Variants in VTCN1 observed in about 807,000 individuals in gnomAD.
VTCN1 encodes V-set domain containing T cell activation inhibitor 1.
In VTCN1, 26 loss-of-function variants were observed where a neutral mutation model predicts 26.5. The observed-to-expected ratio is 0.98, with a 90% CI of 0.72 to 1.36. The LOEUF is 1.36. VTCN1 is among the 40% of genes most tolerant of loss of function. The pLI is 0.00. For missense variants in VTCN1, 298 were observed against 337.7 expected (o/e 0.88, Z 0.92); for synonymous variants, 116 against 130.7 (o/e 0.89, Z 0.77).
At chr1:117,205,666 A>T (rs1557880777) in intron 1 of VTCN1, among the ~76,000 whole-genome samples, 2 of 152,224 alleles carry the variant, frequency 1.3e-5, no homozygotes, top group Non-Finnish European at 2.9e-5. Flanking sequence ...GTTCTGCTTA[A>T]CTAGCAAGAG....
Position 117,156,867 on chromosome 1 carries a change from T to C in VTCN1, c.152A>G (p.Asp51Gly). 1 of 1,613,946 alleles carries C rather than the reference T, an allele frequency of 6.2e-7. No individual in the cohort carries two copies. Among genetic ancestry groups the C allele is most frequent in the Non-Finnish European group, 8.5e-7 (1 of 1,179,992 alleles). Residue 51 changes from aspartate to glycine, a missense_variant, in exon 3 of 6, where the codon GAT becomes GGT. Coordinates refer to ENST00000369458, the MANE Select transcript of VTCN1 (RefSeq NM_024626.4). ...TTCAAAAGTGCAGCTCAGGATTCCA[T>C]CCTCCCCAATGTTCCCAGCTGAGGC... is the stretch of plus-strand genomic sequence containing the variant. ...TVASAGNIGE[D>G]GILSCTFEPD...
intron 2 of VTCN1, 27 bp downstream of exon 2, chr1:117,170,080 A>C: frequency 6.2e-7 from 1 of 1,602,756 alleles, no homozygotes; most frequent in Non-Finnish European, 8.5e-7. Context: ...GGGTGAATAG[A>C]TTGTAGTAAT....
At chr1:117,208,389 T>C (rs537001824) in intron 1 of VTCN1, among the ~76,000 whole-genome samples, 1 of 152,232 alleles carries the variant, frequency 6.6e-6, no homozygotes, top group African/African-American at 2.4e-5. Flanking sequence ...CCCAAAAGCC[T>C]TGGGTGAGGG....
Position 117,210,843 on chromosome 1 carries a change from C to G in VTCN1, c.13G>C (p.Gly5Arg), listed in dbSNP as rs188362185. 2 of 1,614,086 alleles carry G rather than the reference C, an allele frequency of 1.2e-6. No individual in the cohort carries two copies. The highest frequency in any genetic ancestry group is 1.3e-5 in the African/African-American group (1 of 75,052). Reference sequence around the variant, plus strand: ...TACTACCTCCAGAAGAGGATCTGCCCCAGGGAAGCCATGGCTGGGGAAGGT... The same window carrying G: ...TACTACCTCCAGAAGAGGATCTGCCGCAGGGAAGCCATGGCTGGGGAAGGT... MASL[G>R]QILFWSIISI... Residue 5 changes from glycine to arginine, a missense_variant, in exon 1 of 6, where the codon GGG (glycine) becomes CGG (arginine). Gly to Arg is a moderately radical substitution (Grantham distance 125). Transcript: ENST00000369458.
At chr1:117,151,217 G>T (rs1258776055) in intron 4 of VTCN1, among the ~76,000 whole-genome samples, 2 of 147,008 alleles carry the variant, frequency 1.4e-5, no homozygotes, top group Non-Finnish European at 3.0e-5. Context: ...TTTTTTTTTG[G>T]AGAGTGTTAC....
At chr1:117,150,635 C>T (rs1651739353) in intron 4 of VTCN1, among the ~76,000 whole-genome samples, 1 of 152,186 alleles carries the variant, frequency 6.6e-6, no homozygotes, top group African/African-American at 2.4e-5. Context: ...GTAAAAACAA[C>T]AAAATTTACC....
chr1:117,161,846 G>A lies in VTCN1; in HGVS notation c.98-4925C>T, dbSNP rs1652383745. Among the ~76,000 whole-genome samples the A allele has an allele frequency of 6.6e-6, 1 of 152,158 alleles. No individual in the cohort carries two copies. Among genetic ancestry groups the A allele is most frequent in the African/African-American group, 2.4e-5 (1 of 41,424 alleles). ...TACAGCAAAGGTAAATTTGATGGTT[G>A]TTGATAAAGTGCCATTAAAGTTGAA... On this transcript the variant is annotated intron_variant, in intron 2 of 5. Transcript: ENST00000369458. The surrounding 1 kb of genome is among the most constrained non-coding windows in gnomAD (Gnocchi z 4.3).
chr1:117,200,363 C>T (rs1241340388), intron 1 of VTCN1, among the ~76,000 whole-genome samples: 3 of 152,144 alleles, frequency 2.0e-5, no homozygotes, highest in East Asian at 1.9e-4. Flanking sequence ...CTCACTGCTG[C>T]CTTCCAGCCT....
intron 4 of VTCN1, among the ~76,000 whole-genome samples, chr1:117,149,821 A>C (rs1651701916): frequency 6.6e-6 from 1 of 152,230 alleles, no homozygotes; most frequent in African/African-American, 2.4e-5. Context: ...TACTTGTTTA[A>C]AAACATGCAT....
chr1:117,168,587 GA>G (rs879423268), intron 2 of VTCN1, among the ~76,000 whole-genome samples: 6 of 152,146 alleles, frequency 3.9e-5, no homozygotes, highest in Admixed American at 3.3e-4. Context: ...TCTGCTCATT[GA>G]AAAACATCAT....
chr1:117,177,921 C>CTTTTT (rs79283862), intron 1 of VTCN1, among the ~76,000 whole-genome samples: 15 of 119,058 alleles, frequency 1.3e-4, no homozygotes, highest in Non-Finnish European at 1.4e-4. Flanking sequence ...GTTTTCTTTT[C>CTTTTT]TTTTTTTTTT....
At chr1:117,153,945 TCTC>T (rs1218321519) in intron 3 of VTCN1, among the ~76,000 whole-genome samples, 1 of 152,172 alleles carries the variant, frequency 6.6e-6, no homozygotes, top group Admixed American at 6.5e-5. Context: ...CCAAGGTAAT[TCTC>T]CTCGCAGGAG....
chr1:117,191,090 A>C (rs952025225), intron 1 of VTCN1, among the ~76,000 whole-genome samples: 2 of 152,222 alleles, frequency 1.3e-5, no homozygotes, highest in African/African-American at 4.8e-5. Context: ...AGAAGAACTA[A>C]ACAGAAATTT....
chr1:117,210,545 TC>T (rs1214636701), intron 1 of VTCN1, among the ~76,000 whole-genome samples: 8 of 152,064 alleles, frequency 5.3e-5, no homozygotes, highest in Non-Finnish European at 1.5e-5. Context: ...TGGCACGTAC[TC>T]CCCTCAGTCC....
intron 1 of VTCN1, among the ~76,000 whole-genome samples, chr1:117,186,397 T>C (rs780629075): frequency 1.3e-5 from 2 of 152,238 alleles, no homozygotes; most frequent in Non-Finnish European, 2.9e-5. Flanking sequence ...GTCTTCAAGA[T>C]GCTGGGGCTC....
At chr1:117,171,272 G>T (rs1269665285) in intron 1 of VTCN1, among the ~76,000 whole-genome samples, 2 of 152,138 alleles carry the variant, frequency 1.3e-5, no homozygotes, top group African/African-American at 4.8e-5. Context: ...ATTTGGGTTG[G>T]TTCCAAGTCT....
chr1:117,190,484 C>T (rs1314078218), intron 1 of VTCN1, among the ~76,000 whole-genome samples: 2 of 152,222 alleles, frequency 1.3e-5, no homozygotes, highest in Admixed American at 6.5e-5. Context: ...GGTATCCTCC[C>T]ACAGAGACTT....
chr1:117,164,878 A>G (rs1557864825), intron 2 of VTCN1, among the ~76,000 whole-genome samples: 1 of 151,864 alleles, frequency 6.6e-6, no homozygotes, highest in Non-Finnish European at 1.5e-5. Flanking sequence ...GAACCCCTCA[A>G]CCTCTCTTTC....
At chr1:117,190,828 A>G (rs1253566261) in intron 1 of VTCN1, among the ~76,000 whole-genome samples, 1 of 152,230 alleles carries the variant, frequency 6.6e-6, no homozygotes, top group African/African-American at 2.4e-5. Flanking sequence ...GGTCCTTACA[A>G]TATATAAACA....
Sources: allele counts gnomAD v4.1 joint callset (sites outside exome capture counted in the v4.1 genomes callset), GRCh38; gene constraint gnomAD v4.1.1; non-coding constraint Gnocchi (gnomAD v3.1); transcripts MANE v1.5; gene names NCBI Gene and HGNC (gene_info 2026-07-23, HGNC 2026-07-21).